The following CSMD3 variants were observed in gnomAD, a reference collection of about 807,000 sequenced individuals.
The protein encoded by CSMD3 is CUB and Sushi multiple domains 3.
A neutral mutation model predicts 435.2 loss-of-function variants in CSMD3; 177 were observed. The ratio of observed to expected loss-of-function variants is 0.41; its 90% confidence interval spans 0.36 to 0.46. The LOEUF (loss-of-function observed/expected upper bound fraction) is 0.46, where lower values mean the gene tolerates loss of function less well. Among genes scored for constraint, CSMD3 ranks in the 20% least tolerant of loss-of-function variants. The pLI, the probability that CSMD3 is intolerant of heterozygous loss-of-function variation, is 0.34. For synonymous variants in CSMD3, 1,656 were observed against 1,520.5 expected, an observed-to-expected ratio of 1.09 and a Z score of -2.07; for missense variants, 4,265 against 4,504.6, an observed-to-expected ratio of 0.95 and a Z score of 1.52.
At chr8:112,497,886 G>C (rs1301865648) in intron 30 of CSMD3, among the ~76,000 whole-genome samples, 1 of 151,992 alleles carries the variant, frequency 6.6e-6, no homozygotes, top group Non-Finnish European at 1.5e-5. Flanking sequence ...TAAACAGCGG[G>C]GGTTTGAGGA....
chr8:113,362,642 TTTTCTCAGTTTTG>T (rs1468726911), intron 1 of CSMD3, among the ~76,000 whole-genome samples: 8 of 152,316 alleles, frequency 5.3e-5, no homozygotes, highest in African/African-American at 1.9e-4. Context: ...CCCTGTTCCC[TTTTCTCAGTTTTG>T]TGGGATGCAC....
At chr8:112,949,306 A>G (rs78922483) in intron 8 of CSMD3, among the ~76,000 whole-genome samples, 199 of 152,128 alleles carry the variant, frequency 1.3e-3, no homozygotes, top group Middle Eastern at 6.8e-3. Flanking sequence ...ATTACCAACC[A>G]TATCCTTCTT....
At chr8:112,410,628 G>GTATATATATGTATATATATGTGTATA (rs71309769) in intron 32 of CSMD3, among the ~76,000 whole-genome samples, 3 of 69,954 alleles carry the variant, frequency 4.3e-5, no homozygotes, top group Non-Finnish European at 9.1e-5. Context: ...ATATATATGT[G>GTATATATATGTATATATATGTGTATA]TATATATATG....
intron 4 of CSMD3, among the ~76,000 whole-genome samples, chr8:113,114,286 G>A (rs1475593433): frequency 1.3e-5 from 2 of 152,250 alleles, no homozygotes; most frequent in South Asian, 2.1e-4. Context: ...CGTGTGAAAA[G>A]AAGCGAGACC....
chr8:112,323,460 C>T (rs750215565), intron 45 of CSMD3, among the ~76,000 whole-genome samples: 36 of 152,024 alleles, frequency 2.4e-4, no homozygotes, highest in Admixed American at 5.2e-4. Context: ...TTGTTGCAGA[C>T]GTAATTGGTT....
chr8:112,580,157 G>A (rs1830235606), intron 23 of CSMD3, among the ~76,000 whole-genome samples: 1 of 151,936 alleles, frequency 6.6e-6, no homozygotes, highest in African/African-American at 2.4e-5. Flanking sequence ...GGCTGACAAT[G>A]GGAGCTATTT....
chr8:112,519,805 A>G (rs573661379), intron 27 of CSMD3, among the ~76,000 whole-genome samples: 2 of 152,180 alleles, frequency 1.3e-5, no homozygotes, highest in Non-Finnish European at 2.9e-5. Context: ...GGGACAGTTA[A>G]AGAACAAATG....
intron 1 of CSMD3, among the ~76,000 whole-genome samples, chr8:113,409,187 A>G (rs760683405): frequency 2.3e-4 from 35 of 149,904 alleles, no homozygotes; most frequent in Non-Finnish European, 2.1e-4. Flanking sequence ...GGTTCAAGCA[A>G]TTCTCTTGCC....
intron 5 of CSMD3, among the ~76,000 whole-genome samples, chr8:113,049,698 A>C (rs2088001962): frequency 6.6e-6 from 1 of 152,220 alleles, no homozygotes. Context: ...TTTTTAAATA[A>C]GCAAGATCTG....
At chr8:112,979,506 G>C (rs2084969969) in intron 6 of CSMD3, among the ~76,000 whole-genome samples, 1 of 151,316 alleles carries the variant, frequency 6.6e-6, no homozygotes, top group South Asian at 2.1e-4. Flanking sequence ...CAAAATTTTT[G>C]AATACACAAC....
intron 24 of CSMD3, among the ~76,000 whole-genome samples, chr8:112,571,501 A>C (rs1352466062): frequency 6.6e-6 from 1 of 152,044 alleles, no homozygotes; most frequent in African/African-American, 2.4e-5. Flanking sequence ...CAGTAACCTC[A>C]AGTTACATAG....
At chr8:112,345,694 G>T (rs1201368584) in intron 41 of CSMD3, among the ~76,000 whole-genome samples, 1 of 152,044 alleles carries the variant, frequency 6.6e-6, no homozygotes, top group African/African-American at 2.4e-5. Context: ...TTGCGCTCTT[G>T]AAAATTGCTA....
intron 13 of CSMD3, among the ~76,000 whole-genome samples, chr8:112,699,116 C>T (rs549166591): frequency 2.0e-5 from 3 of 152,088 alleles, no homozygotes; most frequent in African/African-American, 2.4e-5. Flanking sequence ...AGCAGCAACC[C>T]GCTCGCGTCC....
intron 22 of CSMD3, among the ~76,000 whole-genome samples, chr8:112,618,453 C>G (rs987922889): frequency 6.6e-6 from 1 of 152,102 alleles, no homozygotes; most frequent in Admixed American, 6.6e-5. Flanking sequence ...CTAAACCAGA[C>G]TTACAAATGA....
chr8:112,704,497 A>G (rs919777635), intron 13 of CSMD3, among the ~76,000 whole-genome samples: 4 of 152,122 alleles, frequency 2.6e-5, no homozygotes, highest in African/African-American at 9.6e-5. Context: ...ATGTCTGTGG[A>G]CAGACAAGGA....
intron 32 of CSMD3, among the ~76,000 whole-genome samples, chr8:112,451,296 C>T (rs80256600): frequency 0.018 from 2,665 of 150,162 alleles, 79 homozygotes; most frequent in African/African-American, 0.062. Flanking sequence ...TTAGAACACA[C>T]ATAAAAATAT....
intron 10 of CSMD3, among the ~76,000 whole-genome samples, chr8:112,901,700 T>C (rs1160430255): frequency 6.6e-6 from 1 of 151,252 alleles, no homozygotes; most frequent in Admixed American, 6.6e-5. Context: ...GTCTTTCTGA[T>C]CCCCAGTGGA....
At chr8:112,542,112 A>G (rs1247410811) in intron 27 of CSMD3, among the ~76,000 whole-genome samples, 2 of 151,894 alleles carry the variant, frequency 1.3e-5, no homozygotes, top group African/African-American at 4.8e-5. Context: ...TTTCTTAAAA[A>G]AAAATCCTCA....
intron 32 of CSMD3, among the ~76,000 whole-genome samples, chr8:112,441,623 C>T (rs67230151): frequency 0.27 from 41,559 of 152,166 alleles, 6,376 homozygotes; most frequent in African/African-American, 0.41. Flanking sequence ...AATTGACTCA[C>T]AGTTCAGCAT....
Sources: gnomAD v4.1 joint callset for allele counts (sites outside exome capture counted in the v4.1 genomes callset) on GRCh38, gnomAD v4.1.1 for gene constraint, MANE v1.5 for transcripts, NCBI Gene and HGNC (gene_info 2026-07-23, HGNC 2026-07-21) for gene names.